ERC2: variants seen among roughly 807,000 people sequenced by gnomAD.
ERC2 encodes ELKS/RAB6-interacting/CAST family member 2.
ERC2 carries 42 observed loss-of-function variants against 114.8 expected under a neutral mutation model. The ratio of observed to expected loss-of-function variants is 0.37; its 90% CI spans 0.29 to 0.47. The LOEUF is 0.47. Ranked by LOEUF, ERC2 falls within the 20% of genes least tolerant of loss-of-function variation. The pLI is 0.99. For synonymous variants in ERC2, 454 were observed against 425.5 expected (o/e 1.07, Z -0.82); for missense variants, 939 against 1,150.7 (o/e 0.82, Z 2.66).
chr3:55,931,896 C>T (rs979229772), intron 13 of ERC2, among the ~76,000 whole-genome samples: 1 of 152,132 alleles, frequency 6.6e-6, no homozygotes, highest in Non-Finnish European at 1.5e-5. Context: ...TGTGCATGTG[C>T]TTAAGCTGTT....
chr3:56,166,899 T>C (rs2082350112), intron 4 of ERC2, among the ~76,000 whole-genome samples: 1 of 152,100 alleles, frequency 6.6e-6, no homozygotes, highest in African/African-American at 2.4e-5. Context: ...TAATGTTAGC[T>C]TTTATGTTTA....
intron 14 of ERC2, among the ~76,000 whole-genome samples, chr3:55,864,206 T>G (rs577409655): frequency 7.9e-5 from 11 of 139,318 alleles, no homozygotes; most frequent in African/African-American, 2.3e-4. Flanking sequence ...CACATATATA[T>G]ACACACATAT....
At chr3:56,386,295 A>C (rs1339368121) in intron 2 of ERC2, among the ~76,000 whole-genome samples, 1 of 152,180 alleles carries the variant, frequency 6.6e-6, no homozygotes, top group East Asian at 1.9e-4. Context: ...AAATATTAAC[A>C]GTAATAATTA....
At position 56,389,587 on chromosome 3, in the gene ERC2, G is replaced by A. The variant is rs537233428; in HGVS notation, c.657+44764C>T. Among the ~76,000 whole-genome samples, 80 of 152,304 alleles carry A rather than the reference G, an allele frequency of 5.3e-4. 1 individual carries two copies. The highest frequency in any genetic ancestry group is 1.8e-3 in the African/African-American group (75 of 41,568). On this transcript the variant is annotated intron_variant, in intron 2 of 17. Transcript: ENST00000288221. ...TTTCAGGAGTTGTGCTGCAGAACCA[G>A]GGAGGAGACCAGACATTAGGTCAAG...
At chr3:56,035,518 G>C (rs1473099897) in intron 7 of ERC2, among the ~76,000 whole-genome samples, 1 of 152,236 alleles carries the variant, frequency 6.6e-6, no homozygotes, top group African/African-American at 2.4e-5. Context: ...CAAGAGTACT[G>C]TGAGGTGGGA....
chr3:55,965,701 G>A (rs573461535), intron 12 of ERC2, among the ~76,000 whole-genome samples: 5 of 152,200 alleles, frequency 3.3e-5, no homozygotes, highest in Admixed American at 6.5e-5. Flanking sequence ...GGGGGGTTAC[G>A]GTAATTTATG....
At chr3:55,691,122 T>C (rs2062617742) in intron 16 of ERC2, among the ~76,000 whole-genome samples, 1 of 152,194 alleles carries the variant, frequency 6.6e-6, no homozygotes, top group Non-Finnish European at 1.5e-5. Context: ...AACTGCCCCT[T>C]TTATTTCCCA....
chr3:55,934,889 C>T (rs1413489533), intron 13 of ERC2, among the ~76,000 whole-genome samples: 1 of 152,120 alleles, frequency 6.6e-6, no homozygotes, highest in Admixed American at 6.6e-5. Context: ...AATTAGCTTG[C>T]TTCATTTCAA....
intron 4 of ERC2, among the ~76,000 whole-genome samples, chr3:56,168,972 G>C (rs1000960552): frequency 1.4e-4 from 21 of 152,190 alleles, no homozygotes; most frequent in African/African-American, 5.1e-4. Flanking sequence ...AAAAAGCCTG[G>C]TGGGGACAAA....
chr3:55,955,253 TG>T, intron 12 of ERC2: 1 of 40,452 alleles, frequency 2.5e-5, no homozygotes, highest in Non-Finnish European at 6.1e-5. Context: ...TGTGTTTGTG[TG>T]TGTGTGTGTG....
At chr3:55,925,131 T>C (rs941474510) in intron 13 of ERC2, among the ~76,000 whole-genome samples, 1 of 152,192 alleles carries the variant, frequency 6.6e-6, no homozygotes, top group African/African-American at 2.4e-5. Context: ...GTATAGAGAA[T>C]GGATCTATTT....
intron 12 of ERC2, among the ~76,000 whole-genome samples, chr3:55,967,820 C>G (rs1171848327): frequency 1.3e-5 from 2 of 152,060 alleles, no homozygotes; most frequent in African/African-American, 4.8e-5. Flanking sequence ...AAGTTCAGCC[C>G]TCTCTCACCG....
At chr3:56,322,951 G>A (rs979192388) in intron 2 of ERC2, among the ~76,000 whole-genome samples, 16 of 152,128 alleles carry the variant, frequency 1.1e-4, no homozygotes, top group African/African-American at 3.9e-4. Flanking sequence ...ATAGATTAAT[G>A]CCATCTCACA....
rs146035436 is a variant in ERC2 at position 56,389,942 on chromosome 3, A to G, written c.657+44409T>C. Among the ~76,000 whole-genome samples the G allele has an allele frequency of 9.0e-4, 137 of 152,326 alleles. 1 individual carries two copies. In the East Asian group the frequency reaches 0.016, roughly 18 times the overall value. The stretch of plus-strand genomic sequence containing the variant: ...TTCACAAAGGTTGCTAAATTTTGGT[A>G]GTTAAATCTACAGCTGACTGTGAAA... On this transcript the variant is annotated intron_variant, in intron 2 of 17. Coordinates refer to ENST00000288221, the MANE Select transcript of ERC2 (RefSeq NM_015576.3).
chr3:56,420,131 A>C (rs1178348714), intron 2 of ERC2, among the ~76,000 whole-genome samples: 1 of 150,926 alleles, frequency 6.6e-6, no homozygotes, highest in African/African-American at 2.4e-5. Context: ...CTTCTCAGAT[A>C]ATATGTACTC....
At chr3:56,075,596 T>C (rs2076935247) in intron 7 of ERC2, among the ~76,000 whole-genome samples, 1 of 152,210 alleles carries the variant, frequency 6.6e-6, no homozygotes, top group South Asian at 2.1e-4. Context: ...ACTGCACTTA[T>C]ATTTAGGATT....
intron 13 of ERC2, among the ~76,000 whole-genome samples, chr3:55,940,793 A>G (rs1403026975): frequency 6.6e-6 from 1 of 152,212 alleles, no homozygotes; most frequent in African/African-American, 2.4e-5. Flanking sequence ...TCACTACTTA[A>G]AATAAAGCTT....
intron 17 of ERC2, among the ~76,000 whole-genome samples, chr3:55,650,439 C>T (rs1457433779): frequency 6.6e-6 from 1 of 152,226 alleles, no homozygotes; most frequent in Non-Finnish European, 1.5e-5. Flanking sequence ...GTCACCTTCT[C>T]ACATCAGCCC....
chr3:55,993,659 T>A (rs1424305462), intron 10 of ERC2, among the ~76,000 whole-genome samples: 1 of 150,722 alleles, frequency 6.6e-6, no homozygotes, highest in East Asian at 1.9e-4. Flanking sequence ...TTTCCTTATT[T>A]AAGAAATAAA....
Sources: allele counts gnomAD v4.1 joint callset (sites outside exome capture counted in the v4.1 genomes callset), GRCh38; gene constraint gnomAD v4.1.1; transcripts MANE v1.5; gene names NCBI Gene and HGNC (gene_info 2026-07-23, HGNC 2026-07-21).